CIMIP2A: variants seen among roughly 807,000 people sequenced by gnomAD.
CIMIP2A encodes the protein family with sequence similarity 166 member A.
At chr9:137,245,803 C>T in the CIMIP2A span, 2 of 1,519,122 alleles carry the variant, frequency 1.3e-6, no homozygotes, top group Non-Finnish European at 1.8e-6. Flanking sequence ...CGTGGTACGC[C>T]CATAGGTGTT....
the CIMIP2A span, chr9:137,244,598 T>A: frequency 6.2e-7 from 1 of 1,604,966 alleles, no homozygotes; most frequent in South Asian, 1.1e-5. Flanking sequence ...GGAGAGGAAG[T>A]GTGTGTGTGA....
chr9:137,251,302 C>A, the CIMIP2A span: 1 of 1,612,344 alleles, frequency 6.2e-7, no homozygotes. Context: ...GAATTCTGAC[C>A]AGAAGGCAGT....
the CIMIP2A span, chr9:137,245,323 G>A: frequency 6.3e-7 from 1 of 1,590,650 alleles, no homozygotes; most frequent in Middle Eastern, 1.8e-4. Flanking sequence ...CTGCCTGGGG[G>A]CCTCGCAAAC....
At chr9:137,244,698 C>A in the CIMIP2A span, 1 of 1,613,746 alleles carries the variant, frequency 6.2e-7, no homozygotes, top group Non-Finnish European at 8.5e-7. Flanking sequence ...TAATTCAACC[C>A]CATTACCCAG....
At chr9:137,247,103 TAAAG>T in the CIMIP2A span, among the ~76,000 whole-genome samples, 3 of 151,974 alleles carry the variant, frequency 2.0e-5, no homozygotes, top group African/African-American at 7.3e-5. Context: ...CTGACCAACA[TAAAG>T]AAACCTCGTC....
chr9:137,245,545 G>C, the CIMIP2A span: 8 of 1,613,550 alleles, frequency 5.0e-6, no homozygotes, highest in African/African-American at 5.3e-5. Context: ...AAAGTTCTTA[G>C]AGGGCTTCAG....
chr9:137,248,459 C>T, the CIMIP2A span, among the ~76,000 whole-genome samples: 4 of 149,120 alleles, frequency 2.7e-5, no homozygotes, highest in East Asian at 5.9e-4. Flanking sequence ...AGGAGAATGG[C>T]GTGAACCCAG....
At chr9:137,245,513 G>T in the CIMIP2A span, 5 of 1,613,862 alleles carry the variant, frequency 3.1e-6, no homozygotes, top group East Asian at 6.7e-5. Flanking sequence ...ACCTCCAAGG[G>T]TGGGAGCTGG....
chr9:137,247,529 G>A, the CIMIP2A span: 332 of 827,288 alleles, frequency 4.0e-4, no homozygotes, highest in African/African-American at 7.0e-4. Flanking sequence ...GCAGTGCCCC[G>A]TGGTGTGGCC....
At chr9:137,246,112 T>C in the CIMIP2A span, among the ~76,000 whole-genome samples, 1 of 152,226 alleles carries the variant, frequency 6.6e-6, no homozygotes, top group Non-Finnish European at 1.5e-5. Context: ...GCCTGCCTTG[T>C]ACCAGCCCCT....
At chr9:137,245,162 C>T in the CIMIP2A span, 31 of 1,581,386 alleles carry the variant, frequency 2.0e-5, no homozygotes, top group East Asian at 6.7e-5. Flanking sequence ...CCACATCTAG[C>T]GTCTCCTGCT....
At chr9:137,255,012 C>T in the CIMIP2A span, among the ~76,000 whole-genome samples, 1 of 152,236 alleles carries the variant, frequency 6.6e-6, no homozygotes, top group African/African-American at 2.4e-5. Flanking sequence ...CAAAACGTCC[C>T]CGCTGCGCGT....
the CIMIP2A span, chr9:137,252,842 C>A: frequency 6.4e-7 from 1 of 1,574,550 alleles, no homozygotes; most frequent in Non-Finnish European, 8.6e-7. Context: ...TTTGCAGGCA[C>A]CTGGCAAGAG....
chr9:137,243,918 G>A, the CIMIP2A span: 7,678 of 1,088,384 alleles, frequency 7.1e-3, 120 homozygotes, highest in African/African-American at 0.04. Flanking sequence ...GAACTTGCTT[G>A]TTGAAGGCAG....
chr9:137,244,470 CAGGAGAG>C, the CIMIP2A span: 1 of 1,498,856 alleles, frequency 6.7e-7, no homozygotes, highest in East Asian at 2.4e-5. Flanking sequence ...AAGCAAGACT[CAGGAGAG>C]AGGGGTTGGG....
chr9:137,255,089 A>T, the CIMIP2A span: 25 of 159,196 alleles, frequency 1.6e-4, no homozygotes, highest in Admixed American at 1.6e-3. Flanking sequence ...GGCTGCGACG[A>T]CGTCCGTTCC....
the CIMIP2A span, chr9:137,245,874 G>C: frequency 1.3e-6 from 2 of 1,485,950 alleles, no homozygotes; most frequent in Non-Finnish European, 1.8e-6. Flanking sequence ...AAGAGAAGAA[G>C]GCAGGGCAGG....
At chr9:137,251,456 G>A in the CIMIP2A span, 6 of 1,316,372 alleles carry the variant, frequency 4.6e-6, no homozygotes, top group Non-Finnish European at 6.5e-6. Context: ...GGGGCTGAGG[G>A]ACAGTGTGGG....
At chr9:137,244,137 G>C in the CIMIP2A span, 4 of 1,596,816 alleles carry the variant, frequency 2.5e-6, no homozygotes, top group Non-Finnish European at 3.4e-6. Context: ...CATTGGCCGG[G>C]GTGTGTCCAT....
Sources: allele counts gnomAD v4.1 joint callset (sites outside exome capture counted in the v4.1 genomes callset), GRCh38; gene constraint gnomAD v4.1.1; transcripts MANE v1.5; gene names NCBI Gene and HGNC (gene_info 2026-07-23, HGNC 2026-07-21).